The following SPATA6 variants were observed in gnomAD, a reference collection of about 807,000 sequenced individuals.
SPATA6 encodes spermatogenesis-associated protein 6.
A neutral mutation model predicts 65.3 loss-of-function variants in SPATA6; 56 were observed. The ratio of observed to expected loss-of-function variants is 0.86; its 90% CI spans 0.69 to 1.07. The LOEUF is 1.07. Among genes scored for constraint, SPATA6 ranks in the 50% least tolerant of loss-of-function variants. The probability of loss-of-function intolerance (pLI) is 0.00; values close to 1 mark genes in which losing one functional copy is unlikely to be tolerated. For missense variants in SPATA6, 590 were observed against 594.8 expected, an observed-to-expected ratio of 0.99 and a Z score of 0.08; for synonymous variants, 199 against 213.2, an observed-to-expected ratio of 0.93 and a Z score of 0.58.
At chr1:48,471,473 TAAAG>T (rs1658240287) in intron 1 of SPATA6, among the ~76,000 whole-genome samples, 1 of 151,998 alleles carries the variant, frequency 6.6e-6, no homozygotes, top group Non-Finnish European at 1.5e-5. Context: ...GAAGACAGAA[TAAAG>T]AAAGGCCCCT....
chr1:48,437,186 A>C, intron 3 of SPATA6: 1 of 1,611,784 alleles, frequency 6.2e-7, no homozygotes, highest in East Asian at 2.2e-5. Context: ...CCAGAATGTG[A>C]TTTTCCTGAT....
intron 3 of SPATA6, among the ~76,000 whole-genome samples, chr1:48,420,579 T>C (rs1005113468): frequency 4.6e-5 from 7 of 152,200 alleles, no homozygotes; most frequent in Admixed American, 3.3e-4. Context: ...ATTGCTTGCT[T>C]GGTGGTGGGG....
At chr1:48,450,311 G>A in intron 3 of SPATA6, among the ~76,000 whole-genome samples, 2 of 145,832 alleles carry the variant, frequency 1.4e-5, no homozygotes, top group South Asian at 2.2e-4. Context: ...CCAAAAAATG[G>A]AATACTAGTG....
the SPATA6 span, among the ~76,000 whole-genome samples, chr1:48,288,101 T>C: frequency 6.6e-6 from 1 of 152,224 alleles, no homozygotes; most frequent in Admixed American, 6.5e-5. Flanking sequence ...GTATCTCACA[T>C]TGATTTATTT....
chr1:48,314,669 G>C (rs1055162992), intron 11 of SPATA6, among the ~76,000 whole-genome samples: 1 of 152,098 alleles, frequency 6.6e-6, no homozygotes, highest in African/African-American at 2.4e-5. Flanking sequence ...AAACCTGGCA[G>C]AAGACAAGAA....
In SPATA6 at chr1:48,355,868, A is replaced by T. The variant is rs1570270706; in HGVS notation, c.1095-99T>A. 2.7e-5 allele frequency: 24 copies of T among 890,586 alleles called. No individual in the cohort carries two copies. In the East Asian group the frequency reaches 6.0e-4, roughly 22 times the overall value. The allele number at this position is 890,586 out of a possible 1,614,324, so 55.2% of individuals were successfully genotyped here. A position where few individuals can be genotyped will look rare whatever the true frequency, so the allele number is the denominator to read the frequency against. On this transcript the variant is annotated intron_variant, in intron 10 of 12. Transcript: ENST00000371847. ...CACAGTATGTTCAACAAATAGTCTT[A>T]ATAAAGGTTGGCATACATTGGGGAG...
intron 1 of SPATA6, among the ~76,000 whole-genome samples, chr1:48,468,965 T>C (rs968037570): frequency 1.3e-5 from 2 of 152,160 alleles, no homozygotes; most frequent in Admixed American, 6.5e-5. Flanking sequence ...TTTACGTATG[T>C]ATTTATTTAA....
chr1:48,455,054 A>G (rs540391940), intron 1 of SPATA6, among the ~76,000 whole-genome samples: 5 of 152,180 alleles, frequency 3.3e-5, no homozygotes, highest in African/African-American at 9.6e-5. Flanking sequence ...TTCCCAATTG[A>G]TCATTAAAAC....
chr1:48,284,184 C>T, the SPATA6 span, among the ~76,000 whole-genome samples: 1 of 152,130 alleles, frequency 6.6e-6, no homozygotes, highest in African/African-American at 2.4e-5. Flanking sequence ...AGTTGATCTT[C>T]AATCCCTGAT....
intron 9 of SPATA6, among the ~76,000 whole-genome samples, chr1:48,375,560 T>C (rs1647794924): frequency 6.6e-6 from 1 of 152,166 alleles, no homozygotes. Flanking sequence ...TGAGAGAAAT[T>C]TCCTCTGGGA....
intron 5 of SPATA6, 126 bp from the exon 6 acceptor site, chr1:48,404,008 CT>C: frequency 1.6e-6 from 1 of 628,678 alleles, no homozygotes; most frequent in Non-Finnish European, 2.6e-6. Context: ...TTAGTTTGAA[CT>C]TTTCATTAAA....
intron 11 of SPATA6, among the ~76,000 whole-genome samples, chr1:48,317,683 T>A (rs969687671): frequency 3.3e-5 from 5 of 151,394 alleles, no homozygotes; most frequent in Middle Eastern, 3.4e-3. Flanking sequence ...AAAAAAAAAA[T>A]AAAAAACTTA....
At chr1:48,442,716 G>GGAAAAAAAAAAAAAAAA (rs1655620804) in intron 3 of SPATA6, among the ~76,000 whole-genome samples, 1 of 29,464 alleles carries the variant, frequency 3.4e-5, no homozygotes, top group African/African-American at 1.2e-4. Context: ...GATGGAAGTA[G>GGAAAAAAAAAAAAAAAA]TAAAAAAAAA....
chr1:48,447,376 G>A (rs1329482363), intron 3 of SPATA6, among the ~76,000 whole-genome samples: 3 of 152,152 alleles, frequency 2.0e-5, no homozygotes, highest in Non-Finnish European at 2.9e-5. Context: ...AAAATTAGCC[G>A]GGCATGGTGT....
At chr1:48,397,696 A>G (rs954866588) in intron 7 of SPATA6, among the ~76,000 whole-genome samples, 2 of 151,468 alleles carry the variant, frequency 1.3e-5, no homozygotes, top group African/African-American at 4.8e-5. Flanking sequence ...GCTATGGAGG[A>G]AAAAAAATCT....
intron 11 of SPATA6, among the ~76,000 whole-genome samples, chr1:48,344,889 C>T (rs1297314712): frequency 6.6e-6 from 1 of 152,074 alleles, no homozygotes. Context: ...TTCTTAGAGG[C>T]CTTCAAAGAG....
chr1:48,320,269 C>T (rs1178177604), intron 11 of SPATA6, among the ~76,000 whole-genome samples: 1 of 152,158 alleles, frequency 6.6e-6, no homozygotes, highest in Non-Finnish European at 1.5e-5. Flanking sequence ...AGGGTTATAG[C>T]AAACCAAGAA....
chr1:48,298,965 T>C, intron 12 of SPATA6, 72 bp from the exon 13 acceptor site: 1 of 1,442,904 alleles, frequency 6.9e-7, no homozygotes, highest in Non-Finnish European at 9.4e-7. Flanking sequence ...GTAAATCAAA[T>C]ATTTATTGAG....
chr1:48,319,419 C>A (rs1645534558), intron 11 of SPATA6, among the ~76,000 whole-genome samples: 1 of 152,096 alleles, frequency 6.6e-6, no homozygotes, highest in African/African-American at 2.4e-5. Flanking sequence ...AGTAATAAGG[C>A]AGATAACTAT....
Sources: allele counts gnomAD v4.1 joint callset (sites outside exome capture counted in the v4.1 genomes callset), GRCh38; gene constraint gnomAD v4.1.1; transcripts MANE v1.5; gene names NCBI Gene and HGNC (gene_info 2026-07-23, HGNC 2026-07-21).